SRPK2: variants seen among roughly 807,000 people sequenced by gnomAD.
The protein encoded by SRPK2 is SRSF protein kinase 2.
Under a neutral mutation model 90.8 loss-of-function variants are expected in SRPK2, and 21 were observed. The observed-to-expected ratio is 0.23, with a 90% CI of 0.16 to 0.33. The LOEUF (loss-of-function observed/expected upper bound fraction) is 0.33, where lower values mean the gene tolerates loss of function less well. Ranked by LOEUF, SRPK2 falls within the 10% of genes least tolerant of loss-of-function variation. SRPK2 has a pLI of 1.00. For missense variants in SRPK2, 620 were observed against 869.0 expected, an observed-to-expected ratio of 0.71 and a Z score of 3.60; for synonymous variants, 288 against 311.1, an observed-to-expected ratio of 0.93 and a Z score of 0.78.
chr7:105,370,603 ATT>A (rs1018720050), intron 2 of SRPK2, among the ~76,000 whole-genome samples: 1 of 146,336 alleles, frequency 6.8e-6, no homozygotes, highest in Non-Finnish European at 1.5e-5. Flanking sequence ...TTTTTAATTA[ATT>A]TTTTTTCTTT....
At chr7:105,155,955 A>T (rs1369397864) in intron 7 of SRPK2, among the ~76,000 whole-genome samples, 2 of 152,206 alleles carry the variant, frequency 1.3e-5, no homozygotes, top group African/African-American at 2.4e-5. Context: ...TGTTTGGGAC[A>T]TCTTTGAACA....
intron 2 of SRPK2, among the ~76,000 whole-genome samples, chr7:105,271,782 C>T (rs1805865662): frequency 6.6e-6 from 1 of 152,168 alleles, no homozygotes. Flanking sequence ...ACACTTTCCC[C>T]CTCAATTAGT....
At chr7:105,123,539 T>A (rs1800706876) in intron 15 of SRPK2, among the ~76,000 whole-genome samples, 1 of 152,138 alleles carries the variant, frequency 6.6e-6, no homozygotes, top group Non-Finnish European at 1.5e-5. Context: ...GGAAAAAAAA[T>A]TTAAATGGAT....
chr7:105,271,501 T>A (rs2130545957), intron 2 of SRPK2, among the ~76,000 whole-genome samples: 1 of 152,356 alleles, frequency 6.6e-6, no homozygotes, highest in East Asian at 1.9e-4. Flanking sequence ...ACTCTGTCTA[T>A]GCTACCATCA....
At chr7:105,212,673 T>C (rs1031712790) in intron 2 of SRPK2, among the ~76,000 whole-genome samples, 1 of 152,116 alleles carries the variant, frequency 6.6e-6, no homozygotes, top group African/African-American at 2.4e-5. Flanking sequence ...GCAAAAAACA[T>C]ATGAAATTAG....
chr7:105,205,515 TCTCACACACACACACACACACA>T (rs1345476511), intron 2 of SRPK2, among the ~76,000 whole-genome samples: 8 of 111,822 alleles, frequency 7.2e-5, no homozygotes, highest in Admixed American at 1.8e-4. Flanking sequence ...TCTCTCTCTC[TCTCACACACACACACACACACA>T]CACACACACA....
intron 2 of SRPK2, among the ~76,000 whole-genome samples, chr7:105,352,624 G>A (rs141643574): frequency 1.1e-4 from 17 of 152,354 alleles, no homozygotes; most frequent in African/African-American, 3.8e-4. Context: ...TAGGGGCTGG[G>A]TGTGGTGGCT....
chr7:105,179,838 A>AG, intron 3 of SRPK2, among the ~76,000 whole-genome samples: 2 of 151,258 alleles, frequency 1.3e-5, no homozygotes, highest in Admixed American at 6.6e-5. Context: ...AAAAAAAAAA[A>AG]AAAAAAAAAA....
chr7:105,169,962 C>A (rs1790594032), intron 3 of SRPK2, among the ~76,000 whole-genome samples: 2 of 152,122 alleles, frequency 1.3e-5, no homozygotes, highest in South Asian at 4.1e-4. Context: ...ACTACAGGCA[C>A]ACACCACCAT....
At chr7:105,378,882 TG>T (rs1223006745) in intron 2 of SRPK2, among the ~76,000 whole-genome samples, 14 of 152,088 alleles carry the variant, frequency 9.2e-5, no homozygotes, top group African/African-American at 2.9e-4. Context: ...CTGCCAAGTG[TG>T]GGCAAAAATG....
chr7:105,181,711 A>G (rs1385560860), intron 3 of SRPK2, among the ~76,000 whole-genome samples: 1 of 152,032 alleles, frequency 6.6e-6, no homozygotes, highest in Non-Finnish European at 1.5e-5. Flanking sequence ...ACACTGGGGC[A>G]TACTTGAGGA....
Position 105,143,197 on chromosome 7 carries a change from T to C in SRPK2, c.947A>G (p.Asn316Ser). ...REAERKIIEE[N>S]ITSAAPSNDQ... ...ATTGGAAGGTGCAGCTGAGGTGATG[T>C]TTTCTTCTATTATTTTCCTTTCAGC... The change falls in exon 10 of 16, where the codon AAC becomes AGC. Residue 316 changes from asparagine to serine, a missense_variant. By Grantham distance (46) the Asn-to-Ser change is conservative (BLOSUM62 1). Coordinates refer to ENST00000393651, the MANE Select transcript of SRPK2 (RefSeq NM_182692.3). 2 of 1,614,188 alleles carry C rather than the reference T, an allele frequency of 1.2e-6. No individual in the cohort carries two copies.
intron 2 of SRPK2, among the ~76,000 whole-genome samples, chr7:105,382,235 C>T (rs1219550296): frequency 2.0e-5 from 3 of 150,046 alleles, no homozygotes; most frequent in Admixed American, 6.7e-5. Context: ...TTAATCCACA[C>T]AATGGAATAC....
intron 1 of SRPK2, among the ~76,000 whole-genome samples, chr7:105,395,809 C>T (rs1425356954): frequency 6.6e-6 from 1 of 152,138 alleles, no homozygotes; most frequent in Non-Finnish European, 1.5e-5. Flanking sequence ...ACTATCTTTG[C>T]AAATCAGATA....
rs2129602829 is a variant in SRPK2 at position 105,187,618 on chromosome 7, T to G, written c.229+16010A>C. On this transcript the variant is annotated intron_variant, in intron 3 of 15. Transcript: ENST00000393651. The stretch of plus-strand genomic sequence containing the variant: ...AATCCTTCCGTCTTGAAAACTCTTT[T>G]TTTATACCTCAGACCATATAGCCTT... 2.0e-5 allele frequency among the ~76,000 whole-genome samples: 3 copies of G among 152,324 alleles called. 1 individual carries two copies. The Middle Eastern group carries it at 0.01, about 518-fold the overall frequency.
chr7:105,330,865 T>C (rs968264980), intron 2 of SRPK2, among the ~76,000 whole-genome samples: 5 of 152,102 alleles, frequency 3.3e-5, no homozygotes, highest in Non-Finnish European at 5.9e-5. Flanking sequence ...TGGCTGTGTA[T>C]GCCTATAGTT....
chr7:105,307,773 T>C (rs918693195), intron 2 of SRPK2, among the ~76,000 whole-genome samples: 2 of 152,250 alleles, frequency 1.3e-5, no homozygotes, highest in East Asian at 1.9e-4. Context: ...ACTTTAAGTA[T>C]ATATTTTATA....
At chr7:105,313,370 C>A (rs1811939189) in intron 2 of SRPK2, among the ~76,000 whole-genome samples, 1 of 151,102 alleles carries the variant, frequency 6.6e-6, no homozygotes, top group African/African-American at 2.4e-5. Flanking sequence ...TCGCTTGAAC[C>A]CGGAAGGCAG....
At chr7:105,231,203 C>A (rs1444176322) in intron 2 of SRPK2, among the ~76,000 whole-genome samples, 1 of 152,196 alleles carries the variant, frequency 6.6e-6, no homozygotes, top group Non-Finnish European at 1.5e-5. Context: ...TCTGCTCCTG[C>A]ATTCTTTTCC....
Sources: gnomAD v4.1 joint callset for allele counts (sites outside exome capture counted in the v4.1 genomes callset) on GRCh38, gnomAD v4.1.1 for gene constraint, MANE v1.5 for transcripts, NCBI Gene and HGNC (gene_info 2026-07-23, HGNC 2026-07-21) for gene names.